The following TMEM232 variants were observed in gnomAD, a reference collection of about 807,000 sequenced individuals.
TMEM232 encodes the protein transmembrane protein 232.
In TMEM232, 80 loss-of-function variants were observed where a neutral mutation model predicts 78.8. The observed-to-expected ratio is 1.01, with a 90% CI of 0.85 to 1.22. The LOEUF is 1.22. Ranked by LOEUF, TMEM232 falls within the 50% of genes most tolerant of loss-of-function variation. TMEM232 has a pLI of 0.00. For synonymous variants in TMEM232, 297 were observed against 254.3 expected, an observed-to-expected ratio of 1.17 and a Z score of -1.60; for missense variants, 881 against 742.2, an observed-to-expected ratio of 1.19 and a Z score of -2.17.
intron 2 of TMEM232, among the ~76,000 whole-genome samples, chr5:110,411,393 T>C (rs1755991823): frequency 6.6e-6 from 1 of 152,220 alleles, no homozygotes; most frequent in African/African-American, 2.4e-5. Context: ...TTCCTTTCTT[T>C]CTCCTTTTTG....
intron 12 of TMEM232, among the ~76,000 whole-genome samples, chr5:110,492,739 A>T (rs529260713): frequency 6.6e-6 from 1 of 152,180 alleles, no homozygotes; most frequent in South Asian, 2.1e-4. Context: ...TTTCACTAAG[A>T]ACCAATACTC....
intron 10 of TMEM232, among the ~76,000 whole-genome samples, chr5:110,576,285 G>C (rs981797664): frequency 2.6e-5 from 4 of 151,980 alleles, no homozygotes; most frequent in African/African-American, 9.7e-5. Context: ...CCATTCACAA[G>C]TGTCACAAAA....
chr5:110,467,380 A>G, intron 12 of TMEM232, among the ~76,000 whole-genome samples: 1 of 152,206 alleles, frequency 6.6e-6, no homozygotes, highest in Non-Finnish European at 1.5e-5. Flanking sequence ...GTGGTGTTCT[A>G]AGGCTGATGA....
intron 1 of TMEM232, among the ~76,000 whole-genome samples, chr5:110,704,236 A>T (rs1411988513): frequency 1.3e-5 from 2 of 152,090 alleles, no homozygotes; most frequent in Non-Finnish European, 2.9e-5. Flanking sequence ...TGTTGGAGAG[A>T]ACCTTATCAA....
At chr5:110,676,860 G>C (rs889527261) in intron 1 of TMEM232, among the ~76,000 whole-genome samples, 2 of 151,922 alleles carry the variant, frequency 1.3e-5, no homozygotes, top group Non-Finnish European at 2.9e-5. Flanking sequence ...CCCGGTTCGA[G>C]CGATTCTCCT....
chr5:110,542,237 A>C (rs1180047594), intron 11 of TMEM232, among the ~76,000 whole-genome samples: 2 of 152,142 alleles, frequency 1.3e-5, no homozygotes, highest in African/African-American at 4.8e-5. Context: ...GGATAATAGT[A>C]GCCATTTTTT....
At chr5:110,710,387 T>C (rs1413902251) in intron 1 of TMEM232, among the ~76,000 whole-genome samples, 2 of 152,044 alleles carry the variant, frequency 1.3e-5, no homozygotes, top group Non-Finnish European at 2.9e-5. Context: ...ATCTCTAAAC[T>C]CATTCTATGA....
intron 12 of TMEM232, among the ~76,000 whole-genome samples, chr5:110,439,749 C>T (rs937528781): frequency 6.6e-5 from 10 of 152,104 alleles, no homozygotes; most frequent in South Asian, 2.1e-4. Context: ...TTTCAATTCA[C>T]GGAGTCAAAA....
At chr5:110,513,735 T>C in intron 12 of TMEM232, 1 of 163,412 alleles carries the variant, frequency 6.1e-6, no homozygotes. Context: ...TTATACATTA[T>C]TGGTGAAAAT....
chr5:110,442,131 C>T (rs1379290472), intron 12 of TMEM232, among the ~76,000 whole-genome samples: 1 of 152,010 alleles, frequency 6.6e-6, no homozygotes, highest in Non-Finnish European at 1.5e-5. Context: ...TGCTCTATTA[C>T]CTTCTTTTAC....
intron 2 of TMEM232, among the ~76,000 whole-genome samples, chr5:110,399,092 G>A (rs1561455246): frequency 6.6e-6 from 1 of 151,688 alleles, no homozygotes; most frequent in Non-Finnish European, 1.5e-5. Flanking sequence ...AGGTTCTCTG[G>A]TCTGCCACGA....
At chr5:110,622,925 T>C (rs1437535829) in intron 7 of TMEM232, among the ~76,000 whole-genome samples, 1 of 151,734 alleles carries the variant, frequency 6.6e-6, no homozygotes, top group Non-Finnish European at 1.5e-5. Context: ...CACACCAGCA[T>C]GGCACATGTA....
intron 8 of TMEM232, among the ~76,000 whole-genome samples, chr5:110,612,660 A>G (rs1267099977): frequency 1.3e-5 from 2 of 152,186 alleles, no homozygotes; most frequent in East Asian, 3.9e-4. Flanking sequence ...AACACTTGCC[A>G]TGTTCAAGAC....
chr5:110,489,207 T>A (rs1764777158), intron 12 of TMEM232, among the ~76,000 whole-genome samples: 1 of 151,690 alleles, frequency 6.6e-6, no homozygotes, highest in Admixed American at 6.6e-5. Flanking sequence ...CAAAGCCAGG[T>A]AAATAACTAA....
At chr5:110,726,181 G>T (rs937968619) in intron 1 of TMEM232, among the ~76,000 whole-genome samples, 1 of 151,410 alleles carries the variant, frequency 6.6e-6, no homozygotes, top group South Asian at 2.1e-4. Flanking sequence ...AAGTCCAAGA[G>T]TCTTCATACT....
chr5:110,690,846 C>A (rs1794031072), intron 1 of TMEM232, among the ~76,000 whole-genome samples: 1 of 152,050 alleles, frequency 6.6e-6, no homozygotes, highest in Non-Finnish European at 1.5e-5. Flanking sequence ...AAGCTGGAAA[C>A]CATCATTCTC....
chr5:110,416,436 T>A (rs565101881), downstream of TMEM232, among the ~76,000 whole-genome samples: 2 of 152,314 alleles, frequency 1.3e-5, no homozygotes, highest in East Asian at 3.9e-4. Context: ...CAAATTGAGA[T>A]GTGAAGAAGA....
At chr5:110,672,098 G>A (rs1249717032) in intron 1 of TMEM232, among the ~76,000 whole-genome samples, 1 of 152,164 alleles carries the variant, frequency 6.6e-6, no homozygotes, top group African/African-American at 2.4e-5. Context: ...TGTACATTAT[G>A]TTAGGCAAAT....
intron 1 of TMEM232, chr5:110,684,675 G>C (rs917644466): frequency 6.6e-6 from 1 of 152,104 alleles, no homozygotes; most frequent in Non-Finnish European, 1.5e-5. Context: ...CAAAGCTATA[G>C]AAGCAATATA....
Sources: allele counts gnomAD v4.1 joint callset (sites outside exome capture counted in the v4.1 genomes callset), GRCh38; gene constraint gnomAD v4.1.1; transcripts MANE v1.5; gene names NCBI Gene and HGNC (gene_info 2026-07-23, HGNC 2026-07-21).